Variants in TCEA1 observed in about 807,000 individuals in gnomAD.
The protein encoded by TCEA1 is transcription elongation factor A protein 1.
TCEA1 carries 21 observed loss-of-function variants against 43.8 expected under a neutral mutation model. The ratio of observed to expected loss-of-function variants is 0.48; its 90% CI spans 0.34 to 0.69. TCEA1 has a LOEUF of 0.69. Ranked by LOEUF, TCEA1 falls within the 30% of genes least tolerant of loss-of-function variation. The probability of loss-of-function intolerance (pLI) is 0.01; values close to 1 mark genes in which losing one functional copy is unlikely to be tolerated. For synonymous variants in TCEA1, 104 were observed against 117.5 expected, an observed-to-expected ratio of 0.88 and a Z score of 0.75; for missense variants, 250 against 365.1, an observed-to-expected ratio of 0.68 and a Z score of 2.57.
chr8:54,005,273 G>C (rs1232082188), intron 2 of TCEA1, among the ~76,000 whole-genome samples: 1 of 152,084 alleles, frequency 6.6e-6, no homozygotes, highest in African/African-American at 2.4e-5. Flanking sequence ...ATGAAATTTA[G>C]AATTCCGTTC....
chr8:53,997,870 C>T (rs934342126), intron 3 of TCEA1, among the ~76,000 whole-genome samples: 27 of 152,188 alleles, frequency 1.8e-4, no homozygotes, highest in African/African-American at 5.8e-4. Context: ...CCTATTTCAA[C>T]ACAAAACAAA....
rs1803007221 is a variant in TCEA1, at chr8:53,967,076, C to T, written c.*1028G>A. 1 of 212,220 alleles carries T rather than the reference C, an allele frequency of 4.7e-6. No individual in the cohort carries two copies. Among genetic ancestry groups the T allele is most frequent in the South Asian group, 1.9e-4 (1 of 5,362 alleles). 13.1% of individuals were successfully genotyped at this position (212,220 alleles called of 1,614,324 possible). On this transcript the variant is annotated 3_prime_UTR_variant, in exon 10 of 10. Coordinates refer to ENST00000521604, the MANE Select transcript of TCEA1 (RefSeq NM_006756.4). ...ATATTCAGTTTGTTCAACAATCTCA[C>T]TCATGACAGAAAAAGTCAGCAAATA...
rs1164293312 is a variant in TCEA1, at chr8:53,988,154, C to G, written c.426G>C (p.Leu142Phe). 6.2e-7 allele frequency: 1 copy of G among 1,612,568 alleles called. No homozygotes were observed. Among genetic ancestry groups the G allele is most frequent in the East Asian group, 2.2e-5 (1 of 44,866 alleles). Residue 142 changes from leucine to phenylalanine, a missense_variant, in exon 5 of 10, where the codon TTG becomes TTC. By Grantham distance (22) the Leu-to-Phe change is conservative. Transcript: ENST00000521604. Reference protein sequence around the residue: ...RAPSTSDSVRLKCREMLAAAL... With the variant: ...RAPSTSDSVRFKCREMLAAAL... ...CTGCAGCAAGCATCTCCCTACACTTCAACCGCACAGAATCAGAAGTGCTTG... is the reference window on the plus strand; with the variant it reads ...CTGCAGCAAGCATCTCCCTACACTTGAACCGCACAGAATCAGAAGTGCTTG...
Position 53,970,481 on chromosome 8 carries a change from T to G in TCEA1, c.826-18A>C, listed in dbSNP as rs1479703757. 15 of 1,557,382 alleles carry G rather than the reference T, an allele frequency of 9.6e-6. No homozygotes were observed. Among genetic ancestry groups the G allele is most frequent in the Middle Eastern group, 1.9e-4 (1 of 5,350 alleles). On this transcript the variant is annotated intron_variant, in intron 8 of 9. Transcript: ENST00000521604. ...GTTTGTACCTGCAGCAAAATTAAAT[T>G]AAATGTACTTTTTGCAGTACTATTA...
At chr8:54,003,143 G>A (rs1036807784) in intron 2 of TCEA1, 9 of 443,696 alleles carry the variant, frequency 2.0e-5, no homozygotes, top group Non-Finnish European at 3.6e-5. Flanking sequence ...AAACACATAT[G>A]TAAAACATAC....
intron 2 of TCEA1, among the ~76,000 whole-genome samples, chr8:54,007,292 A>T (rs1195870135): frequency 6.6e-6 from 1 of 152,178 alleles, no homozygotes. Context: ...TAAAATTACA[A>T]AATATTTTTA....
chr8:54,011,507 G>A (rs563325317), intron 1 of TCEA1, among the ~76,000 whole-genome samples: 14 of 152,310 alleles, frequency 9.2e-5, no homozygotes, highest in Admixed American at 4.6e-4. Flanking sequence ...CTGATGCTAG[G>A]TTTAGCATTC....
chr8:53,985,479 A>C (rs1346897731), intron 6 of TCEA1, among the ~76,000 whole-genome samples: 1 of 152,114 alleles, frequency 6.6e-6, no homozygotes, highest in African/African-American at 2.4e-5. Context: ...TAAGGATCCT[A>C]AAGTCTCTCT....
At chr8:54,008,209 C>G (rs915331813) in intron 2 of TCEA1, among the ~76,000 whole-genome samples, 1 of 142,230 alleles carries the variant, frequency 7.0e-6, no homozygotes, top group African/African-American at 2.6e-5. Flanking sequence ...TTCTGCACAG[C>G]AAAGGAAACA....
At chr8:53,997,111 T>A (rs1220795837) in intron 3 of TCEA1, among the ~76,000 whole-genome samples, 1 of 152,076 alleles carries the variant, frequency 6.6e-6, no homozygotes, top group Non-Finnish European at 1.5e-5. Context: ...GGTTTCACCG[T>A]GTTAGCCAGG....
At chr8:53,995,294 CAAAA>C (rs925755044) in intron 3 of TCEA1, among the ~76,000 whole-genome samples, 2 of 57,926 alleles carry the variant, frequency 3.5e-5, no homozygotes, top group Non-Finnish European at 3.8e-5. Flanking sequence ...GACTCTGTCT[CAAAA>C]AAAAAAAAAA....
chr8:53,972,540 A>C lies in TCEA1; in HGVS notation c.826-2077T>G, dbSNP rs147696659. ...TTGCAACATGGACTGGGATAGATTA[A>C]AGGCAAAAGATTTGCTGACTCTGTT... On this transcript the variant is annotated intron_variant, in intron 8 of 9. Coordinates refer to ENST00000521604, the MANE Select transcript of TCEA1 (RefSeq NM_006756.4). 143 of 545,800 alleles carry C rather than the reference A, an allele frequency of 2.6e-4. No individual in the cohort carries two copies. The East Asian group carries it at 6.5e-3, about 25-fold the overall frequency. The allele number at this position is 545,800 out of a possible 1,614,324, so 33.8% of individuals were successfully genotyped here. A position where few individuals can be genotyped will look rare whatever the true frequency, so the allele number is the denominator to read the frequency against.
At chr8:54,001,517 C>A (rs999857578) in intron 2 of TCEA1, among the ~76,000 whole-genome samples, 4 of 152,136 alleles carry the variant, frequency 2.6e-5, no homozygotes, top group Non-Finnish European at 4.4e-5. Flanking sequence ...AAGCCCCAAA[C>A]AATTTGGGGT....
chr8:53,988,323 C>G (rs1316059674), intron 4 of TCEA1, 64 bp from the exon 5 acceptor site: 6 of 1,545,720 alleles, frequency 3.9e-6, no homozygotes, highest in Non-Finnish European at 5.2e-6. Flanking sequence ...AACAATACTA[C>G]TATCATGCTG....
At chr8:53,993,147 T>A (rs1052705846) in intron 4 of TCEA1, among the ~76,000 whole-genome samples, 5 of 148,500 alleles carry the variant, frequency 3.4e-5, no homozygotes, top group Admixed American at 3.4e-4. Context: ...TTTTTTTTTT[T>A]TTTTTGGTAG....
chr8:53,977,192 T>C (rs1408444824), intron 8 of TCEA1, among the ~76,000 whole-genome samples: 2 of 152,064 alleles, frequency 1.3e-5, no homozygotes, highest in African/African-American at 2.4e-5. Flanking sequence ...TTGTGGTGGG[T>C]GCCTGTAGTC....
chr8:54,019,280 C>T (rs929077178), intron 1 of TCEA1, among the ~76,000 whole-genome samples: 3 of 152,092 alleles, frequency 2.0e-5, no homozygotes, highest in Admixed American at 6.6e-5. Context: ...TCAAAGTTAA[C>T]TTTTTCAGGC....
intron 1 of TCEA1, among the ~76,000 whole-genome samples, chr8:54,020,936 C>T (rs1805002816): frequency 6.6e-6 from 1 of 152,044 alleles, no homozygotes; most frequent in Admixed American, 6.6e-5. Context: ...GCCTGTAATC[C>T]CAGCACTTTG....
intron 3 of TCEA1, among the ~76,000 whole-genome samples, chr8:53,996,887 G>GT (rs1163096743): frequency 1.5e-5 from 2 of 136,438 alleles, no homozygotes; most frequent in Non-Finnish European, 3.0e-5. Context: ...TAGCTAAGGG[G>GT]TAAAAAGAAG....
Sources: gnomAD v4.1 joint callset for allele counts (sites outside exome capture counted in the v4.1 genomes callset) on GRCh38, gnomAD v4.1.1 for gene constraint, MANE v1.5 for transcripts, NCBI Gene and HGNC (gene_info 2026-07-23, HGNC 2026-07-21) for gene names.